SP6: variants seen among roughly 807,000 people sequenced by gnomAD.
SP6 encodes the protein transcription factor Sp6.
In SP6, 10 loss-of-function variants were observed where a neutral mutation model predicts 23.4. The observed-to-expected ratio is 0.43, with a 90% CI of 0.26 to 0.72. The LOEUF (loss-of-function observed/expected upper bound fraction) is 0.72, where lower values mean the gene tolerates loss of function less well. Among genes scored for constraint, SP6 ranks in the 30% least tolerant of loss-of-function variants. SP6 has a pLI of 0.23. For synonymous variants in SP6, 238 were observed against 238.7 expected, an observed-to-expected ratio of 1.00 and a Z score of 0.03; for missense variants, 482 against 523.8, an observed-to-expected ratio of 0.92 and a Z score of 0.78.
the SP6 span, among the ~76,000 whole-genome samples, chr17:47,875,606 G>A: frequency 6.6e-6 from 1 of 152,234 alleles, no homozygotes; most frequent in Non-Finnish European, 1.5e-5. Context: ...CAATGAAGCA[G>A]CAACGCTGGA....
the SP6 span, among the ~76,000 whole-genome samples, chr17:47,876,027 G>A: frequency 2.0e-5 from 3 of 152,160 alleles, no homozygotes; most frequent in Admixed American, 6.5e-5. Context: ...AACCTGCCCT[G>A]TTGCCAAAAA....
the SP6 span, among the ~76,000 whole-genome samples, chr17:47,873,229 C>T: frequency 1.2e-4 from 19 of 152,344 alleles, no homozygotes; most frequent in South Asian, 3.9e-3. Context: ...CCAGCCTCTG[C>T]TTGCCTCCTT....
Position 47,847,211 on chromosome 17 carries a change from T to C in SP6, c.*88A>G. ...CTGAATAAATACGCACCTTCCCCTC[T>C]TCCTCAAGCCACCCCCAAGGACGTC... On this transcript the variant is annotated 3_prime_UTR_variant, in exon 2 of 2. Transcript: ENST00000536300. 1 of 1,346,342 alleles carries C rather than the reference T, an allele frequency of 7.4e-7. No homozygotes were observed. Among genetic ancestry groups the C allele is most frequent in the Admixed American group, 2.8e-5 (1 of 35,102 alleles). The allele number at this position is 1,346,342 out of a possible 1,614,324, so 83.4% of individuals were successfully genotyped here.
At chr17:47,856,718 C>T (rs1299974446), upstream of SP6, among the ~76,000 whole-genome samples, 2 of 152,234 alleles carry the variant, frequency 1.3e-5, no homozygotes, top group African/African-American at 2.4e-5. Context: ...CTCTGACCCA[C>T]ATAGGAGAGT....
chr17:47,870,506 C>G, the SP6 span, among the ~76,000 whole-genome samples: 2 of 152,122 alleles, frequency 1.3e-5, no homozygotes, highest in African/African-American at 4.8e-5. Flanking sequence ...GGGCTTTGAG[C>G]TGGACTTCCT....
the SP6 span, among the ~76,000 whole-genome samples, chr17:47,872,400 C>T: frequency 2.0e-5 from 3 of 152,106 alleles, no homozygotes; most frequent in Non-Finnish European, 2.9e-5. Flanking sequence ...CGGGAAAGGA[C>T]AGTTTGGGAC....
upstream of SP6, among the ~76,000 whole-genome samples, chr17:47,860,775 T>C (rs184615202): frequency 5.2e-4 from 79 of 151,084 alleles, no homozygotes; most frequent in African/African-American, 1.9e-3. Context: ...TCACTGAGAG[T>C]TGGCCTCATG....
upstream of SP6, among the ~76,000 whole-genome samples, chr17:47,858,147 C>G (rs1047890521): frequency 1.6e-4 from 25 of 152,082 alleles, no homozygotes; most frequent in African/African-American, 6.0e-4. Context: ...CTTCAGCTCT[C>G]TAATTTGTTC....
the SP6 span, among the ~76,000 whole-genome samples, chr17:47,871,169 A>G: frequency 2.0e-5 from 3 of 152,226 alleles, no homozygotes; most frequent in Non-Finnish European, 4.4e-5. Context: ...CACACTTGGA[A>G]AGTTCCTCCA....
chr17:47,873,546 T>A, the SP6 span, among the ~76,000 whole-genome samples: 11 of 152,212 alleles, frequency 7.2e-5, no homozygotes, highest in African/African-American at 2.7e-4. Flanking sequence ...TGCCTCTAAC[T>A]TGCTGGGTAA....
At chr17:47,863,953 T>C in the SP6 span, among the ~76,000 whole-genome samples, 2 of 150,766 alleles carry the variant, frequency 1.3e-5, no homozygotes, top group Non-Finnish European at 3.0e-5. Flanking sequence ...TTAGCCTGCC[T>C]CGGCCTCCCA....
chr17:47,859,742 T>C (rs751501378), upstream of SP6, among the ~76,000 whole-genome samples: 3 of 152,110 alleles, frequency 2.0e-5, no homozygotes, highest in Non-Finnish European at 4.4e-5. Flanking sequence ...GGTTGTGTGA[T>C]GGAAGTGGAA....
At chr17:47,856,593 T>C (rs1361990008), upstream of SP6, among the ~76,000 whole-genome samples, 2 of 152,104 alleles carry the variant, frequency 1.3e-5, no homozygotes, top group Non-Finnish European at 2.9e-5. Context: ...TAAGTTTAGG[T>C]ATACTGGCTA....
chr17:47,849,541 T>C (rs751635730), intron 1 of SP6, among the ~76,000 whole-genome samples: 3 of 152,178 alleles, frequency 2.0e-5, no homozygotes, highest in Non-Finnish European at 2.9e-5. Context: ...AGAAGATTCT[T>C]ATATGCAGCA....
chr17:47,847,926 C>T lies in SP6; in HGVS notation c.504G>A (p.Pro168=), dbSNP rs556834272. ...CAGCTGGAAGGAGGTGGTGCGCATG[C>T]GGGTGGGGTGGCGGGGCACAAAGCT... The part of the protein sequence containing the change: ...DHQLCAPPPH[P]HAHHLLPAAG... The change falls in exon 2 of 2, where the codon CCG becomes CCA. Residue 168 remains proline (P), a synonymous_variant. Coordinates refer to ENST00000536300, the MANE Select transcript of SP6 (RefSeq NM_001258248.2). 8.9e-6 allele frequency: 14 copies of T among 1,566,892 alleles called. No homozygotes were observed. In the East Asian group the frequency reaches 2.1e-4, roughly 24 times the overall value.
At position 47,847,557 on chromosome 17, in the gene SP6, G is replaced by A; in HGVS notation, c.873C>T (p.Cys291=). 1 of 1,613,726 alleles carries A rather than the reference G, an allele frequency of 6.2e-7. No individual in the cohort carries two copies. The highest frequency in any genetic ancestry group is 8.5e-7 in the Non-Finnish European group (1 of 1,179,970). ...DRPFVCNWLF[C]GKRFTRSDEL... The stretch of plus-strand genomic sequence containing the variant: ...CGTCCGAGCGCGTGAAGCGCTTGCC[G>A]CAGAAGAGCCAGTTGCACACGAAGG... Residue 291 remains cysteine, a synonymous_variant, in exon 2 of 2, where the codon TGC becomes TGT. Coordinates refer to ENST00000536300, the MANE Select transcript of SP6 (RefSeq NM_001258248.2).
upstream of SP6, among the ~76,000 whole-genome samples, chr17:47,859,621 T>C (rs2034021577): frequency 6.6e-6 from 1 of 152,182 alleles, no homozygotes; most frequent in Admixed American, 6.5e-5. Context: ...CAGAAGCTCC[T>C]CAGCTTGGGG....
At chr17:47,860,618 C>A (rs1041636857), upstream of SP6, among the ~76,000 whole-genome samples, 1 of 150,038 alleles carries the variant, frequency 6.7e-6, no homozygotes, top group South Asian at 2.1e-4. Context: ...AACCCCAGCA[C>A]TTTGGGAGGC....
At chr17:47,868,368 G>A in the SP6 span, among the ~76,000 whole-genome samples, 1 of 152,252 alleles carries the variant, frequency 6.6e-6, no homozygotes, top group Non-Finnish European at 1.5e-5. Flanking sequence ...TGAGCAGAGT[G>A]TTGCAAAGCA....
Sources: gnomAD v4.1 joint callset for allele counts (sites outside exome capture counted in the v4.1 genomes callset) on GRCh38, gnomAD v4.1.1 for gene constraint, MANE v1.5 for transcripts, NCBI Gene and HGNC (gene_info 2026-07-23, HGNC 2026-07-21) for gene names.